Variants in EPHA6 observed in about 807,000 individuals in gnomAD.
The protein encoded by EPHA6 is ephrin type-A receptor 6.
A neutral mutation model predicts 112.0 loss-of-function variants in EPHA6; 50 were observed. The ratio of observed to expected loss-of-function variants is 0.45; its 90% confidence interval spans 0.36 to 0.56. The LOEUF (loss-of-function observed/expected upper bound fraction) is 0.56. EPHA6 is among the 20% of genes least tolerant of loss of function. The probability of loss-of-function intolerance (pLI) is 0.00; values close to 1 mark genes in which losing one functional copy is unlikely to be tolerated. For synonymous variants in EPHA6, 529 were observed against 490.7 expected, an observed-to-expected ratio of 1.08 and a Z score of -1.03; for missense variants, 1,280 against 1,417.4, an observed-to-expected ratio of 0.90 and a Z score of 1.56.
chr3:97,042,794 G>A (rs1296837019), intron 3 of EPHA6, among the ~76,000 whole-genome samples: 1 of 152,096 alleles, frequency 6.6e-6, no homozygotes, highest in Non-Finnish European at 1.5e-5. Flanking sequence ...AGAGCAAGAA[G>A]ATCAGACATA....
At chr3:97,695,283 A>G (rs1463048259) in intron 14 of EPHA6, among the ~76,000 whole-genome samples, 2 of 152,208 alleles carry the variant, frequency 1.3e-5, no homozygotes, top group Admixed American at 1.3e-4. Flanking sequence ...ATGGTGGTAT[A>G]TTAAAATGTC....
intron 1 of EPHA6, among the ~76,000 whole-genome samples, chr3:96,852,520 G>A (rs375623226): frequency 1.6e-4 from 24 of 149,934 alleles, no homozygotes; most frequent in African/African-American, 3.9e-4. Context: ...GTTTAGATCC[G>A]TTTGCTAGGT....
At chr3:97,668,284 A>G (rs1180828631) in intron 14 of EPHA6, among the ~76,000 whole-genome samples, 1 of 152,204 alleles carries the variant, frequency 6.6e-6, no homozygotes, top group African/African-American at 2.4e-5. Context: ...TTTGTTCAAT[A>G]AAATCTATGA....
intron 14 of EPHA6, among the ~76,000 whole-genome samples, chr3:97,713,419 G>A (rs1416083471): frequency 6.6e-6 from 1 of 151,948 alleles, no homozygotes; most frequent in Non-Finnish European, 1.5e-5. Context: ...TCTCATATAA[G>A]ATTTTTTAAA....
intron 14 of EPHA6, among the ~76,000 whole-genome samples, chr3:97,661,283 G>T (rs59019076): frequency 6.7e-6 from 1 of 150,278 alleles, no homozygotes; most frequent in African/African-American, 2.4e-5. Flanking sequence ...ACTCCCTAAC[G>T]CTGGTCAGCT....
Position 97,169,021 on chromosome 3 carries a change from G to T in EPHA6, c.1115-57243G>T, listed in dbSNP as rs2076618056. ...CACTCTTTTTTCTAGTACTTGTAGA[G>T]TGGCATCTTACATTGGTGTAGGATT... On this transcript the variant is annotated intron_variant, in intron 3 of 17. Coordinates refer to ENST00000389672, the MANE Select transcript of EPHA6 (RefSeq NM_001080448.3). Among the ~76,000 whole-genome samples, 3 of 152,152 alleles carry T rather than the reference G, an allele frequency of 2.0e-5. No homozygotes were observed. In the South Asian group the frequency reaches 6.2e-4, roughly 32 times the overall value.
intron 3 of EPHA6, among the ~76,000 whole-genome samples, chr3:97,170,451 A>G (rs1365900996): frequency 6.6e-6 from 1 of 152,094 alleles, no homozygotes; most frequent in Non-Finnish European, 1.5e-5. Context: ...ATTAAGAAAT[A>G]TGGAGCCAGG....
intron 3 of EPHA6, among the ~76,000 whole-genome samples, chr3:97,060,347 G>C (rs2045980297): frequency 6.6e-6 from 1 of 152,122 alleles, no homozygotes; most frequent in Non-Finnish European, 1.5e-5. Flanking sequence ...TATAATTGAA[G>C]TAAACTAAGG....
At chr3:97,646,016 A>G in intron 14 of EPHA6, 1 of 836,506 alleles carries the variant, frequency 1.2e-6, no homozygotes, top group Non-Finnish European at 1.7e-6. Flanking sequence ...AATCTTCAAG[A>G]AAAAAATATC....
At chr3:97,025,535 T>C (rs949295961) in intron 3 of EPHA6, among the ~76,000 whole-genome samples, 10 of 152,202 alleles carry the variant, frequency 6.6e-5, no homozygotes, top group African/African-American at 2.4e-4. Flanking sequence ...TTTCAGTGTC[T>C]TCATGAAATC....
At chr3:96,965,503 A>T (rs1041959945) in intron 2 of EPHA6, among the ~76,000 whole-genome samples, 1 of 152,084 alleles carries the variant, frequency 6.6e-6, no homozygotes, top group Non-Finnish European at 1.5e-5. Context: ...TGAGTATTTT[A>T]AAAAATTGGA....
chr3:97,335,129 C>T (rs532246995), intron 5 of EPHA6, among the ~76,000 whole-genome samples: 5 of 152,264 alleles, frequency 3.3e-5, no homozygotes, highest in South Asian at 4.1e-4. Flanking sequence ...CCCATTGAGA[C>T]GTGGTCTCCA....
intron 14 of EPHA6, among the ~76,000 whole-genome samples, chr3:97,640,687 G>A (rs914249960): frequency 6.6e-6 from 1 of 152,124 alleles, no homozygotes; most frequent in Non-Finnish European, 1.5e-5. Context: ...GGCTGAGGCA[G>A]GAGAACCGCT....
chr3:97,193,589 T>G (rs2077363907), intron 3 of EPHA6, among the ~76,000 whole-genome samples: 1 of 149,968 alleles, frequency 6.7e-6, no homozygotes, highest in Admixed American at 7.0e-5. Context: ...CAAACAAGGA[T>G]AACTTGATTT....
At chr3:97,187,688 G>GGAAAGAAAGGAAA (rs1553718539) in intron 3 of EPHA6, among the ~76,000 whole-genome samples, 29 of 108,016 alleles carry the variant, frequency 2.7e-4, no homozygotes, top group African/African-American at 9.9e-4. Flanking sequence ...AAAGAAAGAA[G>GGAAAGAAAGGAAA]GAAAGAAAGA....
At position 97,665,566 on chromosome 3, in the gene EPHA6, T is replaced by A. The variant is rs371832569; in HGVS notation, c.2784+27484T>A. ...GATCCAGCCTGGTCACAATTCTTCT[T>A]TATAGAAGGGTCATGTATCCAAATT... On this transcript the variant is annotated intron_variant, in intron 14 of 17. Coordinates refer to ENST00000389672, the MANE Select transcript of EPHA6 (RefSeq NM_001080448.3). 2.2e-4 allele frequency among the ~76,000 whole-genome samples: 34 copies of A among 152,282 alleles called. No homozygotes were observed. In the South Asian group the frequency reaches 2.7e-3, roughly 12 times the overall value.
At chr3:96,928,543 G>T (rs2040156202) in intron 2 of EPHA6, among the ~76,000 whole-genome samples, 1 of 152,098 alleles carries the variant, frequency 6.6e-6, no homozygotes, top group Non-Finnish European at 1.5e-5. Context: ...TTCTGATTGT[G>T]TGTCAATTTG....
At chr3:97,561,426 G>A (rs1014063124) in intron 11 of EPHA6, among the ~76,000 whole-genome samples, 29 of 152,058 alleles carry the variant, frequency 1.9e-4, no homozygotes, top group African/African-American at 5.6e-4. Context: ...TAGGGATAAA[G>A]TTTTAGTGGT....
At chr3:97,339,925 T>C (rs2083226301) in intron 5 of EPHA6, among the ~76,000 whole-genome samples, 1 of 152,170 alleles carries the variant, frequency 6.6e-6, no homozygotes, top group South Asian at 2.1e-4. Flanking sequence ...TTAGCTCCCA[T>C]TGAGATGTTT....
Sources: gnomAD v4.1 joint callset for allele counts (sites outside exome capture counted in the v4.1 genomes callset) on GRCh38, gnomAD v4.1.1 for gene constraint, MANE v1.5 for transcripts, NCBI Gene and HGNC (gene_info 2026-07-23, HGNC 2026-07-21) for gene names.